Variants in EMP2 observed in about 807,000 individuals in gnomAD.
The protein encoded by EMP2 is epithelial membrane protein 2.
EMP2 carries 19 observed loss-of-function variants against 13.7 expected under a neutral mutation model. The observed-to-expected ratio is 1.38, with a 90% CI of 0.97 to 2.03. The LOEUF (loss-of-function observed/expected upper bound fraction) is 2.03. Among genes scored for constraint, EMP2 ranks in the 30% most tolerant of loss-of-function variants. The probability of loss-of-function intolerance (pLI) is 0.00; values close to 1 mark genes in which losing one functional copy is unlikely to be tolerated. For missense variants in EMP2, 253 were observed against 220.7 expected (o/e 1.15, Z -0.93); for synonymous variants, 97 against 84.7 (o/e 1.15, Z -0.80).
chr16:10,532,070 G>C lies in EMP2; in HGVS notation c.*835C>G, dbSNP rs1303681537. The stretch of plus-strand genomic sequence containing the variant: ...ACGATACCCCAGCATTTACGAGGCA[G>C]CTCTGCTGACCTGGCCCAGGCACCG... On this transcript the variant is annotated 3_prime_UTR_variant, in exon 5 of 5. Coordinates refer to ENST00000359543, the MANE Select transcript of EMP2 (RefSeq NM_001424.6). The C allele has an allele frequency of 6.5e-6, 1 of 154,836 alleles. No homozygotes were observed. The allele number at this position is 154,836 out of a possible 1,614,324, so 9.6% of individuals were successfully genotyped here.
chr16:10,554,427 T>C (rs1301040372), intron 1 of EMP2, among the ~76,000 whole-genome samples: 1 of 152,146 alleles, frequency 6.6e-6, no homozygotes, highest in Non-Finnish European at 1.5e-5. Context: ...CCAAGAAATA[T>C]AATTCTGGTC....
At chr16:10,563,259 T>G (rs1204190390) in intron 1 of EMP2, among the ~76,000 whole-genome samples, 1 of 152,172 alleles carries the variant, frequency 6.6e-6, no homozygotes, top group Non-Finnish European at 1.5e-5. Flanking sequence ...TGGCACGATC[T>G]CAGCTCACTG....
intron 1 of EMP2, among the ~76,000 whole-genome samples, chr16:10,551,588 G>A (rs8061736): frequency 0.095 from 14,458 of 152,098 alleles, 920 homozygotes; most frequent in African/African-American, 0.19. Flanking sequence ...TGCATTTTTA[G>A]TAGAGACAGA....
At chr16:10,541,046 C>A (rs2050693326) in intron 3 of EMP2, among the ~76,000 whole-genome samples, 1 of 151,922 alleles carries the variant, frequency 6.6e-6, no homozygotes, top group South Asian at 2.1e-4. Flanking sequence ...TGTGATTGCA[C>A]CACTGCACTC....
chr16:10,577,039 T>A (rs1197915159), intron 1 of EMP2, among the ~76,000 whole-genome samples: 1 of 151,910 alleles, frequency 6.6e-6, no homozygotes, highest in African/African-American at 2.4e-5. Context: ...GCTATAAGGG[T>A]CCCAGGCCCT....
intron 1 of EMP2, among the ~76,000 whole-genome samples, chr16:10,569,674 C>A (rs1010907226): frequency 6.6e-6 from 1 of 152,138 alleles, no homozygotes; most frequent in Non-Finnish European, 1.5e-5. Flanking sequence ...CATCACTTGC[C>A]AAGGGACATT....
chr16:10,543,614 C>T lies in EMP2; in HGVS notation c.125G>A (p.Cys42Tyr), dbSNP rs1596371545. ...GACTGTGCAATTCGTGTTGTTGGTA[C>T]ATATTCTCCAGACATCTGCAAAAAA... ...DEFFADVWRI[C>Y]TNNTNCTVIN... Residue 42 changes from cysteine (C) to tyrosine (Y), a missense_variant, in exon 3 of 5, where the codon TGT becomes TAT. By Grantham distance (194) the Cys-to-Tyr change is radical (BLOSUM62 -2). Coordinates refer to ENST00000359543, the MANE Select transcript of EMP2 (RefSeq NM_001424.6). 1 of 1,614,238 alleles carries T rather than the reference C, an allele frequency of 6.2e-7. No homozygotes were observed. The highest frequency in any genetic ancestry group is 1.7e-5 in the Admixed American group (1 of 60,024).
chr16:10,577,713 C>A (rs2050993252), intron 1 of EMP2, among the ~76,000 whole-genome samples: 1 of 152,138 alleles, frequency 6.6e-6, no homozygotes, highest in Admixed American at 6.5e-5. Context: ...CACACACACA[C>A]CCCTCCTGCA....
intron 4 of EMP2, among the ~76,000 whole-genome samples, chr16:10,536,677 G>A (rs1330187952): frequency 1.3e-5 from 2 of 152,154 alleles, no homozygotes; most frequent in Non-Finnish European, 2.9e-5. Flanking sequence ...AATACAAGTG[G>A]TACAGCACCC....
intron 1 of EMP2, 57 bp from the exon 2 acceptor site, chr16:10,547,734 A>G (rs2050750876): frequency 9.7e-7 from 1 of 1,026,442 alleles, no homozygotes; most frequent in South Asian, 1.6e-5. Flanking sequence ...CAAAATTACA[A>G]TAAAAAATAA....
At chr16:10,538,137 C>G (rs950638378) in intron 3 of EMP2, 63 bp from the exon 4 acceptor site, 4 of 1,577,230 alleles carry the variant, frequency 2.5e-6, no homozygotes, top group Non-Finnish European at 2.6e-6. Flanking sequence ...GTGGGGTACA[C>G]AGCGACCGCA....
At chr16:10,553,172 C>T (rs1488183573) in intron 1 of EMP2, among the ~76,000 whole-genome samples, 3 of 152,164 alleles carry the variant, frequency 2.0e-5, no homozygotes, top group African/African-American at 7.2e-5. Flanking sequence ...TAAAAATAAC[C>T]CTTTACTCCT....
rs2050604927 is a variant in EMP2 at position 10,531,766 on chromosome 16, TG to T, written c.*1138del. The T allele has an allele frequency of 6.5e-6, 1 of 154,156 alleles. No individual in the cohort carries two copies. The highest frequency in any genetic ancestry group is 1.5e-5 in the Non-Finnish European group (1 of 68,150). The allele number at this position is 154,156 out of a possible 1,614,324, so 9.5% of individuals were successfully genotyped here. The stretch of plus-strand genomic sequence containing the variant: ...TTATGTTGATGAATGAATGAATGAA[TG>T]AATGAATGAATGAATGAATGAATGG... On this transcript the variant is annotated 3_prime_UTR_variant, in exon 5 of 5. Transcript: ENST00000359543.
chr16:10,535,402 G>A (rs10775284), intron 4 of EMP2, among the ~76,000 whole-genome samples: 6 of 151,940 alleles, frequency 3.9e-5, no homozygotes, highest in East Asian at 1.9e-4. Flanking sequence ...GACTAAGCAG[G>A]CTTACAGATC....
chr16:10,545,499 G>A (rs559222348), intron 2 of EMP2: 3 of 152,260 alleles, frequency 2.0e-5, no homozygotes, highest in African/African-American at 4.8e-5. Flanking sequence ...AGGTCACCAG[G>A]GGCATTAGAT....
intron 1 of EMP2, among the ~76,000 whole-genome samples, chr16:10,550,655 T>C (rs1348986137): frequency 1.3e-5 from 2 of 152,192 alleles, no homozygotes; most frequent in African/African-American, 4.8e-5. Flanking sequence ...ATTCTTTCAC[T>C]GTACATTTCC....
intron 3 of EMP2, 61 bp downstream of exon 3, chr16:10,543,509 A>C: frequency 1.3e-6 from 2 of 1,580,348 alleles, no homozygotes; most frequent in Non-Finnish European, 1.7e-6. Flanking sequence ...CCGAAGCCTC[A>C]CTCCTGACCG....
chr16:10,566,954 T>C (rs920763769), intron 1 of EMP2, among the ~76,000 whole-genome samples: 1 of 152,162 alleles, frequency 6.6e-6, no homozygotes. Context: ...AGTGGACCTT[T>C]GCATGTGCGT....
chr16:10,544,252 T>C (rs1292525550), intron 2 of EMP2: 1 of 153,772 alleles, frequency 6.5e-6, no homozygotes, highest in Non-Finnish European at 1.4e-5. Flanking sequence ...TGATCTTGGC[T>C]CACTGCAACC....
Sources: gnomAD v4.1 joint callset for allele counts (sites outside exome capture counted in the v4.1 genomes callset) on GRCh38, gnomAD v4.1.1 for gene constraint, MANE v1.5 for transcripts, NCBI Gene and HGNC (gene_info 2026-07-23, HGNC 2026-07-21) for gene names.